RYR2: variants seen among roughly 807,000 people sequenced by gnomAD.
RYR2 encodes cardiac muscle ryanodine receptor-calcium release channel.
Under a neutral mutation model 601.1 loss-of-function variants are expected in RYR2, and 227 were observed. The ratio of observed to expected loss-of-function variants is 0.38; its 90% CI spans 0.34 to 0.42. The LOEUF is 0.42. Ranked by LOEUF, RYR2 falls within the 10% of genes least tolerant of loss-of-function variation. The probability of loss-of-function intolerance (pLI) is 1.00; values close to 1 mark genes in which losing one functional copy is unlikely to be tolerated. For synonymous variants in RYR2, 2,223 were observed against 2,175.1 expected, an observed-to-expected ratio of 1.02 and a Z score of -0.61; for missense variants, 4,646 against 6,156.5, an observed-to-expected ratio of 0.75 and a Z score of 8.21.
chr1:237,049,646 C>A (rs1661010636), intron 1 of RYR2, among the ~76,000 whole-genome samples: 1 of 152,056 alleles, frequency 6.6e-6, no homozygotes. Flanking sequence ...GGATTACAGG[C>A]CCTGAAAGCT....
chr1:237,680,486 A>G lies in RYR2; in HGVS notation c.8926A>G (p.Lys2976Glu). The G allele has an allele frequency of 1.2e-6, 2 of 1,607,494 alleles. No homozygotes were observed. The highest frequency in any genetic ancestry group is 1.3e-5 in the African/African-American group (1 of 74,916). Residue 2976 changes from lysine to glutamate, a missense_variant, in exon 62 of 105, where the codon AAA (lysine) becomes GAA (glutamate). By Grantham distance (56) the Lys-to-Glu change is moderately conservative. Around this residue, in one of 17 missense-constraint regions of RYR2, gnomAD observed 1,497 missense variants for 1,842.6 expected, o/e 0.81. Transcript: ENST00000366574. ...TCTTCCTTTAATTGATCAGTATTTC[A>G]AAAACCATCGTTTATACTTCTTATC... Reference protein sequence around the residue: ...VVLPLIDQYFKNHRLYFLSAA... With the variant: ...VVLPLIDQYFENHRLYFLSAA...
chr1:237,200,186 C>T (rs1304680081), intron 1 of RYR2, among the ~76,000 whole-genome samples: 3 of 152,136 alleles, frequency 2.0e-5, no homozygotes, highest in Non-Finnish European at 4.4e-5. Context: ...CCAGGCTATG[C>T]TGCCTCTTTA....
chr1:237,134,281 T>A (rs1489924732), intron 1 of RYR2, among the ~76,000 whole-genome samples: 2 of 140,918 alleles, frequency 1.4e-5, no homozygotes, highest in Non-Finnish European at 3.1e-5. Flanking sequence ...TGTTCAGTTA[T>A]TTTTTTTAAT....
intron 10 of RYR2, among the ~76,000 whole-genome samples, chr1:237,390,688 G>A (rs1702304479): frequency 6.6e-6 from 1 of 152,124 alleles, no homozygotes. Context: ...AGTTATGATT[G>A]CAGAGAAATC....
intron 1 of RYR2, among the ~76,000 whole-genome samples, chr1:237,123,613 G>A (rs983733357): frequency 6.8e-6 from 1 of 146,050 alleles, no homozygotes; most frequent in African/African-American, 2.5e-5. Flanking sequence ...CAACAAAAAA[G>A]TGATGAAGAC....
chr1:237,414,613 T>G (rs981066221), intron 10 of RYR2, among the ~76,000 whole-genome samples: 8 of 152,216 alleles, frequency 5.3e-5, no homozygotes, highest in African/African-American at 1.9e-4. Context: ...ACACACAGTA[T>G]AGAATGATCA....
intron 17 of RYR2, among the ~76,000 whole-genome samples, chr1:237,480,702 C>T (rs1463738898): frequency 1.3e-5 from 2 of 152,082 alleles, no homozygotes; most frequent in Non-Finnish European, 2.9e-5. Flanking sequence ...TGTTTTATTT[C>T]AGCTAATTTA....
intron 101 of RYR2, among the ~76,000 whole-genome samples, chr1:237,826,643 T>TA (rs35683566): frequency 0.22 from 33,814 of 151,828 alleles, 4,524 homozygotes; most frequent in East Asian, 0.61. Flanking sequence ...TAAAGTATAA[T>TA]AAAAAAAGGA....
intron 6 of RYR2, 44 bp downstream of exon 6, chr1:237,369,652 C>A: frequency 6.7e-7 from 1 of 1,484,636 alleles, no homozygotes; most frequent in Non-Finnish European, 9.2e-7. Context: ...CATGCTGATC[C>A]ATTTGGGGGT....
At chr1:237,794,857 G>A (rs577332243) in intron 95 of RYR2, among the ~76,000 whole-genome samples, 1 of 152,324 alleles carries the variant, frequency 6.6e-6, no homozygotes, top group South Asian at 2.1e-4. Context: ...AGACGCTAGA[G>A]TTGTGCTTTG....
chr1:237,611,244 G>A lies in RYR2; in HGVS notation c.4910+256G>A, dbSNP rs186215891. ...CATGATGGTTTCTTCATTCACTCTT[G>A]CGTTACTTACAATGACAATGGCGAA... On this transcript the variant is annotated intron_variant, in intron 36 of 104. Transcript: ENST00000366574. 5.4e-4 allele frequency among the ~76,000 whole-genome samples: 82 copies of A among 152,206 alleles called. 1 individual carries two copies. In the South Asian group the frequency reaches 0.013, roughly 24 times the overall value.
intron 1 of RYR2, among the ~76,000 whole-genome samples, chr1:237,075,125 C>T (rs189312923): frequency 6.6e-6 from 1 of 152,302 alleles, no homozygotes; most frequent in Admixed American, 6.5e-5. Flanking sequence ...AAATCTGAGC[C>T]TCTAAGCAAC....
chr1:237,830,379 T>G, intron 102 of RYR2, 151 bp from the exon 103 acceptor site: 1 of 574,452 alleles, frequency 1.7e-6, no homozygotes, highest in Non-Finnish European at 3.2e-6. Flanking sequence ...GACAGTTCCA[T>G]TTATATTCGT....
At chr1:237,436,205 A>G (rs1217866361) in intron 12 of RYR2, among the ~76,000 whole-genome samples, 1 of 152,116 alleles carries the variant, frequency 6.6e-6, no homozygotes, top group Non-Finnish European at 1.5e-5. Context: ...TTTGCCATCT[A>G]AGGTAACCTC....
chr1:237,194,933 A>G (rs7527812), intron 1 of RYR2, among the ~76,000 whole-genome samples: 14,166 of 152,162 alleles, frequency 0.093, 2,290 homozygotes, highest in African/African-American at 0.32. Context: ...AGGTAAAGTG[A>G]GGAATCTTAA....
intron 1 of RYR2, among the ~76,000 whole-genome samples, chr1:237,248,919 G>A (rs76308577): frequency 0.28 from 43,184 of 151,794 alleles, 6,781 homozygotes; most frequent in African/African-American, 0.42. Flanking sequence ...GCGCCACCAC[G>A]TCCGGCTAAT....
chr1:237,045,470 G>A (rs1460819111), intron 1 of RYR2, among the ~76,000 whole-genome samples: 3 of 152,090 alleles, frequency 2.0e-5, no homozygotes, highest in African/African-American at 7.2e-5. Context: ...TTATGTAGAT[G>A]AATGATCATT....
chr1:237,755,370 TG>T (rs1692864733), intron 80 of RYR2, among the ~76,000 whole-genome samples: 1 of 152,216 alleles, frequency 6.6e-6, no homozygotes, highest in South Asian at 2.1e-4. Context: ...AGGTCATATA[TG>T]TTTTGGCCGT....
At position 237,700,211 on chromosome 1, in the gene RYR2, C is replaced by T. The variant is rs780255237; in HGVS notation, c.9129-18C>T. ...GTTCCTGTTGGAAGATACGAGTCCT[C>T]CCTTATTTACTTTCTAGGACAGTGA... On this transcript the variant is annotated intron_variant, in intron 64 of 104. Transcript: ENST00000366574. 2.1e-6 allele frequency: 3 copies of T among 1,396,804 alleles called. No homozygotes were observed. Among genetic ancestry groups the T allele is most frequent in the Admixed American group, 2.0e-5 (1 of 50,038 alleles). 86.5% of individuals were successfully genotyped at this position (1,396,804 alleles called of 1,614,324 possible). A position where few individuals can be genotyped will look rare whatever the true frequency, so the allele number is the denominator to read the frequency against.
Sources: gnomAD v4.1 joint callset for allele counts (sites outside exome capture counted in the v4.1 genomes callset) on GRCh38, gnomAD v4.1.1 for gene constraint, gnomAD v4.1.1 regional missense constraint, MANE v1.5 for transcripts, NCBI Gene and HGNC (gene_info 2026-07-23, HGNC 2026-07-21) for gene names.